The following SLC6A11 variants were observed in gnomAD, a reference collection of about 807,000 sequenced individuals.
The protein encoded by SLC6A11 is solute carrier family 6 member 11, also known as sodium- and chloride-dependent GABA transporter 3.
A neutral mutation model predicts 74.8 loss-of-function variants in SLC6A11; 25 were observed. That is an observed-to-expected ratio of 0.33 (90% CI 0.24 to 0.47). The LOEUF is 0.47. Among genes scored for constraint, SLC6A11 ranks in the 20% least tolerant of loss-of-function variants. SLC6A11 has a pLI of 1.00. For synonymous variants in SLC6A11, 330 were observed against 330.2 expected (o/e 1.00, Z 0.01); for missense variants, 574 against 837.0 (o/e 0.69, Z 3.88).
chr3:10,924,402 T>A (rs1455684663), intron 8 of SLC6A11, among the ~76,000 whole-genome samples: 1 of 152,044 alleles, frequency 6.6e-6, no homozygotes, highest in East Asian at 1.9e-4. Flanking sequence ...TCAAAAATCC[T>A]AAGGAACCTA....
chr3:10,902,121 G>C (rs914844109), intron 6 of SLC6A11, among the ~76,000 whole-genome samples: 3 of 152,096 alleles, frequency 2.0e-5, no homozygotes, highest in Admixed American at 6.6e-5. Context: ...CTGTCTGTTT[G>C]AAAGAAAATG....
chr3:10,862,000 C>G (rs1366782074), intron 5 of SLC6A11, among the ~76,000 whole-genome samples: 3 of 152,220 alleles, frequency 2.0e-5, no homozygotes, highest in East Asian at 3.8e-4. Context: ...CTTGCTCTTT[C>G]TGGCTCCAAA....
chr3:10,855,984 A>G (rs1445607477), intron 5 of SLC6A11, among the ~76,000 whole-genome samples: 45 of 152,162 alleles, frequency 3.0e-4, no homozygotes, highest in Admixed American at 2.7e-3. Flanking sequence ...TGTGAGCCAC[A>G]TGGGATGTGC....
At chr3:10,818,587 T>A (rs146228061) in intron 1 of SLC6A11, among the ~76,000 whole-genome samples, 3 of 152,308 alleles carry the variant, frequency 2.0e-5, no homozygotes, top group African/African-American at 7.2e-5. Flanking sequence ...TTGCTATTAA[T>A]CCTTACGGTT....
intron 7 of SLC6A11, among the ~76,000 whole-genome samples, chr3:10,913,437 A>G (rs1260360043): frequency 6.6e-6 from 1 of 152,188 alleles, no homozygotes; most frequent in Admixed American, 6.5e-5. Flanking sequence ...CACCTTCTAT[A>G]CAGCTTAAAT....
intron 7 of SLC6A11, among the ~76,000 whole-genome samples, chr3:10,916,671 T>C (rs1695458477): frequency 6.6e-6 from 1 of 152,200 alleles, no homozygotes; most frequent in Non-Finnish European, 1.5e-5. Context: ...CCAAAGCAAG[T>C]CATGTGGCTA....
At chr3:10,872,183 A>G (rs539316470) in intron 5 of SLC6A11, among the ~76,000 whole-genome samples, 2 of 152,308 alleles carry the variant, frequency 1.3e-5, no homozygotes, top group South Asian at 2.1e-4. Context: ...AGGACTTGCT[A>G]TGACCCCCAT....
At chr3:10,906,516 G>A (rs1041599796) in intron 6 of SLC6A11, among the ~76,000 whole-genome samples, 3 of 152,202 alleles carry the variant, frequency 2.0e-5, no homozygotes, top group East Asian at 1.9e-4. Context: ...AACATGTACT[G>A]GGAGAGGACT....
At chr3:10,900,088 C>T (rs1324812753) in intron 6 of SLC6A11, among the ~76,000 whole-genome samples, 2 of 152,226 alleles carry the variant, frequency 1.3e-5, no homozygotes, top group Non-Finnish European at 2.9e-5. Context: ...GTGCATGTCA[C>T]ATATTTGCCA....
intron 5 of SLC6A11, among the ~76,000 whole-genome samples, chr3:10,855,768 G>A (rs1694631779): frequency 6.6e-6 from 1 of 152,220 alleles, no homozygotes; most frequent in South Asian, 2.1e-4. Flanking sequence ...AAGCTGAGGG[G>A]TGAAATGTGG....
intron 6 of SLC6A11, among the ~76,000 whole-genome samples, chr3:10,901,308 A>G (rs1039612211): frequency 1.3e-5 from 2 of 152,216 alleles, no homozygotes; most frequent in African/African-American, 4.8e-5. Flanking sequence ...ATGCCTGGAC[A>G]TGGCTGTCCA....
intron 7 of SLC6A11, among the ~76,000 whole-genome samples, chr3:10,914,852 C>T (rs991813464): frequency 3.3e-5 from 5 of 152,148 alleles, no homozygotes; most frequent in East Asian, 3.9e-4. Context: ...ATCACCCCAT[C>T]GGTGGCTTAC....
intron 5 of SLC6A11, among the ~76,000 whole-genome samples, chr3:10,852,884 T>C (rs1378254332): frequency 6.6e-6 from 1 of 152,132 alleles, no homozygotes; most frequent in African/African-American, 2.4e-5. Flanking sequence ...GGTAAAAGAA[T>C]GATTAGCTCT....
chr3:10,850,305 C>T (rs1694557287), intron 5 of SLC6A11, among the ~76,000 whole-genome samples: 2 of 152,160 alleles, frequency 1.3e-5, no homozygotes, highest in African/African-American at 2.4e-5. Context: ...TGGGATATTT[C>T]CCATGTCCAC....
At chr3:10,887,280 TGATGGATGATAAATGGATGATGGATG>T (rs1695055585) in intron 6 of SLC6A11, among the ~76,000 whole-genome samples, 2 of 146,436 alleles carry the variant, frequency 1.4e-5, no homozygotes, top group African/African-American at 5.2e-5. Context: ...AATGAATGGA[TGATGGATGATAAATGGATGATGGATG>T]GATGGATGGA....
At chr3:10,892,846 T>C (rs907008943) in intron 6 of SLC6A11, among the ~76,000 whole-genome samples, 1 of 152,172 alleles carries the variant, frequency 6.6e-6, no homozygotes, top group Non-Finnish European at 1.5e-5. Context: ...TAGATGACAG[T>C]GCATTAGGAT....
chr3:10,823,523 C>T, intron 4 of SLC6A11, 131 bp downstream of exon 4: 1 of 660,744 alleles, frequency 1.5e-6, no homozygotes, highest in Non-Finnish European at 2.8e-6. Context: ...CTTCTGTGAG[C>T]ATTCGACAGC....
intron 6 of SLC6A11, among the ~76,000 whole-genome samples, chr3:10,892,463 A>G (rs1695117869): frequency 6.6e-6 from 1 of 152,086 alleles, no homozygotes; most frequent in African/African-American, 2.4e-5. Context: ...CAGGCTAAGA[A>G]TCAGGAAACC....
At chr3:10,825,132 A>C (rs1694190623) in intron 4 of SLC6A11, 2 of 148,102 alleles carry the variant, frequency 1.4e-5, no homozygotes. Context: ...CAGTGAGCCG[A>C]GATCGGCGCC....
Sources: allele counts gnomAD v4.1 joint callset (sites outside exome capture counted in the v4.1 genomes callset), GRCh38; gene constraint gnomAD v4.1.1; transcripts MANE v1.5; gene names NCBI Gene and HGNC (gene_info 2026-07-23, HGNC 2026-07-21).